Variants in AFF2 observed in about 807,000 individuals in gnomAD.
The protein encoded by AFF2 is AF4/FMR2 family member 2.
AFF2 carries 14 observed loss-of-function variants against 76.9 expected under a neutral mutation model. The ratio of observed to expected loss-of-function variants is 0.18; its 90% CI spans 0.12 to 0.28. The LOEUF is 0.28. Ranked by LOEUF, AFF2 falls within the 10% of genes least tolerant of loss-of-function variation. The pLI is 1.00. For missense variants in AFF2, 868 were observed against 1,001.1 expected (o/e 0.87, Z 1.79); for synonymous variants, 398 against 366.7 (o/e 1.09, Z -0.98).
chrX:148,525,780 A>G (rs2052651222), intron 1 of AFF2, among the ~76,000 whole-genome samples: 1 of 112,220 alleles, frequency 8.9e-6, no homozygotes, highest in Admixed American at 9.5e-5. Context: ...AACATCATCT[A>G]TTTTGGAGAT....
intron 1 of AFF2, among the ~76,000 whole-genome samples, chrX:148,539,929 C>T (rs782272124): frequency 9.0e-6 from 1 of 111,421 alleles, no homozygotes; most frequent in South Asian, 3.8e-4. Context: ...GTAAATGCTA[C>T]CTGTCACTTT....
chrX:148,916,404 G>A, intron 9 of AFF2, among the ~76,000 whole-genome samples: 1 of 107,566 alleles, frequency 9.3e-6, no homozygotes, highest in Non-Finnish European at 1.9e-5. Flanking sequence ...TAGAGACGGG[G>A]TTTCACCAGA....
At chrX:148,692,994 C>G (rs1557260878) in intron 3 of AFF2, among the ~76,000 whole-genome samples, 1 of 111,349 alleles carries the variant, frequency 9.0e-6, no homozygotes. Flanking sequence ...TCTCGGCTCA[C>G]TACAAGCTCC....
chrX:148,634,835 A>G (rs1365283824), intron 1 of AFF2, among the ~76,000 whole-genome samples: 1 of 111,920 alleles, frequency 8.9e-6, no homozygotes, highest in Non-Finnish European at 1.9e-5. Context: ...GGTGTGGATG[A>G]CACAGGCCTT....
intron 7 of AFF2, among the ~76,000 whole-genome samples, chrX:148,881,271 A>T (rs1034296229): frequency 3.6e-5 from 4 of 111,806 alleles, no homozygotes; most frequent in African/African-American, 1.3e-4. Context: ...TATTATGCCC[A>T]GTCTTACACG....
intron 9 of AFF2, among the ~76,000 whole-genome samples, chrX:148,911,982 A>C (rs1293683906): frequency 8.9e-6 from 1 of 112,139 alleles, no homozygotes; most frequent in Non-Finnish European, 1.9e-5. Context: ...ACATGGAATC[A>C]ACCTAAATCC....
chrX:148,979,945 G>A (rs1378172492), intron 18 of AFF2, among the ~76,000 whole-genome samples: 2 of 112,143 alleles, frequency 1.8e-5, no homozygotes, highest in Non-Finnish European at 3.8e-5. Flanking sequence ...TGTAACTTCC[G>A]AGAGCAGGTC....
chrX:148,958,184 G>C lies in AFF2; in HGVS notation c.2569-153G>C, dbSNP rs996066363. ...GCTAGGCAAGGTTGATTGCTTTTCT[G>C]TCTGATCAAAGGTGCACATTTAACT... On this transcript the variant is annotated intron_variant, in intron 11 of 20. Coordinates refer to ENST00000370460, the MANE Select transcript of AFF2 (RefSeq NM_002025.4). Among the ~76,000 whole-genome samples, 4 of 111,934 alleles carry C rather than the reference G, an allele frequency of 3.6e-5. No homozygotes were observed. The Admixed American group carries it at 3.8e-4, about 11-fold the overall frequency.
intron 16 of AFF2, among the ~76,000 whole-genome samples, chrX:148,975,116 A>G (rs894507923): frequency 5.4e-5 from 6 of 112,056 alleles, no homozygotes; most frequent in Admixed American, 4.7e-4. Context: ...GACCTCTCCT[A>G]TGCAGCTGAT....
intron 7 of AFF2, among the ~76,000 whole-genome samples, chrX:148,884,007 G>A (rs1372281629): frequency 9.5e-6 from 1 of 105,345 alleles, no homozygotes; most frequent in African/African-American, 3.5e-5. Context: ...ACACACACAC[G>A]GAAAGTAAAG....
chrX:148,621,508 G>A (rs984079886), intron 1 of AFF2, among the ~76,000 whole-genome samples: 26 of 111,231 alleles, frequency 2.3e-4, no homozygotes, highest in South Asian at 7.5e-4. Flanking sequence ...ATTCAGCTGA[G>A]TTTTTATAGA....
At chrX:148,668,714 G>A (rs2054386001) in intron 3 of AFF2, among the ~76,000 whole-genome samples, 1 of 112,126 alleles carries the variant, frequency 8.9e-6, no homozygotes, top group South Asian at 3.7e-4. Flanking sequence ...GCACAGAGCA[G>A]AGGGCCCTGG....
At chrX:148,676,057 A>ATT (rs59875267) in intron 3 of AFF2, among the ~76,000 whole-genome samples, 39 of 91,518 alleles carry the variant, frequency 4.3e-4, no homozygotes, top group South Asian at 9.7e-4. Flanking sequence ...ATGAATTGTG[A>ATT]TTTTTTTTTT....
chrX:148,519,084 C>T (rs1286590249), intron 1 of AFF2, among the ~76,000 whole-genome samples: 4 of 111,513 alleles, frequency 3.6e-5, no homozygotes, highest in Non-Finnish European at 7.5e-5. Context: ...GTATTAATTA[C>T]TGTTGCCTCC....
chrX:148,872,594 T>A (rs1557277480), intron 7 of AFF2, among the ~76,000 whole-genome samples: 2 of 112,358 alleles, frequency 1.8e-5, no homozygotes, highest in Non-Finnish European at 1.9e-5. Flanking sequence ...GAGCATCTTT[T>A]CATCTGCTTA....
chrX:148,517,222 TCTGGTG>T (rs2052545641), intron 1 of AFF2, among the ~76,000 whole-genome samples: 1 of 111,782 alleles, frequency 8.9e-6, no homozygotes, highest in Non-Finnish European at 1.9e-5. Context: ...TGAAAATCCT[TCTGGTG>T]GCAGAGATTG....
chrX:148,936,196 G>A (rs2124309427), intron 9 of AFF2, among the ~76,000 whole-genome samples: 1 of 111,034 alleles, frequency 9.0e-6, no homozygotes, highest in East Asian at 2.8e-4. Flanking sequence ...AATTTACCTT[G>A]CGTTTTCTGT....
intron 16 of AFF2, among the ~76,000 whole-genome samples, chrX:148,977,175 T>G: frequency 8.9e-6 from 1 of 112,209 alleles, no homozygotes; most frequent in East Asian, 2.8e-4. Flanking sequence ...GACAATGATT[T>G]TATGCAATGA....
Position 148,973,461 on chromosome X carries a change from C to G in AFF2, c.3268-10C>G. 1 of 1,210,628 alleles carries G rather than the reference C, an allele frequency of 8.3e-7. No individual in the cohort carries two copies. Among genetic ancestry groups the G allele is most frequent in the African/African-American group, 1.7e-5 (1 of 57,756 alleles). On this transcript the variant is annotated splice_polypyrimidine_tract_variant and intron_variant, in intron 15 of 20. Coordinates refer to ENST00000370460, the MANE Select transcript of AFF2 (RefSeq NM_002025.4). ...GAGTATTATCTTGACGAGTCATCTT[C>G]CTGTTTCAGTTCGAGAAATTTGGCA...
Sources: gnomAD v4.1 joint callset for allele counts (sites outside exome capture counted in the v4.1 genomes callset) on GRCh38, gnomAD v4.1.1 for gene constraint, MANE v1.5 for transcripts, NCBI Gene and HGNC (gene_info 2026-07-23, HGNC 2026-07-21) for gene names.